Variants in ESR1 observed in about 807,000 individuals in gnomAD.
The protein encoded by ESR1 is estrogen receptor 1.
ESR1 carries 12 observed loss-of-function variants against 52.7 expected under a neutral mutation model. The ratio of observed to expected loss-of-function variants is 0.23; its 90% CI spans 0.15 to 0.37. ESR1 has a LOEUF of 0.37. Among genes scored for constraint, ESR1 ranks in the 10% least tolerant of loss-of-function variants. The pLI, the probability that ESR1 is intolerant of heterozygous loss-of-function variation, is 1.00. For synonymous variants in ESR1, 305 were observed against 316.8 expected, an observed-to-expected ratio of 0.96 and a Z score of 0.39; for missense variants, 584 against 779.7, an observed-to-expected ratio of 0.75 and a Z score of 2.99.
At chr6:151,657,532 A>G (rs1214353616) in intron 1 of ESR1, among the ~76,000 whole-genome samples, 1 of 152,196 alleles carries the variant, frequency 6.6e-6, no homozygotes, top group African/African-American at 2.4e-5. Flanking sequence ...GGTTTACTGA[A>G]GTGGATCTAC....
chr6:151,909,470 C>T (rs1404862015), intron 3 of ESR1, among the ~76,000 whole-genome samples: 2 of 152,188 alleles, frequency 1.3e-5, no homozygotes, highest in African/African-American at 4.8e-5. Flanking sequence ...GTCCAAGGCA[C>T]TGTATTCAAT....
At chr6:151,850,106 ATACAAAAT>A in intron 2 of ESR1, among the ~76,000 whole-genome samples, 1 of 89,470 alleles carries the variant, frequency 1.1e-5, no homozygotes, top group Non-Finnish European at 2.0e-5. Context: ...TTATATATAT[ATACAAAAT>A]TATATATATA....
intron 2 of ESR1, among the ~76,000 whole-genome samples, chr6:151,719,468 AGCCAGTGTTAC>A (rs1185827367): frequency 6.6e-6 from 1 of 152,134 alleles, no homozygotes. Context: ...CAGAAGAAAG[AGCCAGTGTTAC>A]GCCTTAAGGT....
At chr6:151,985,501 C>A in intron 4 of ESR1, among the ~76,000 whole-genome samples, 3 of 84,662 alleles carry the variant, frequency 3.5e-5, no homozygotes, top group Non-Finnish European at 6.6e-5. Flanking sequence ...GAGTGAGACT[C>A]TGTCTCAAAA....
At chr6:151,703,257 C>T (rs1169939663) in intron 2 of ESR1, among the ~76,000 whole-genome samples, 1 of 152,078 alleles carries the variant, frequency 6.6e-6, no homozygotes, top group African/African-American at 2.4e-5. Flanking sequence ...AGTGACTAAC[C>T]AAAAATGGTA....
intron 5 of ESR1, among the ~76,000 whole-genome samples, chr6:152,046,626 T>C (rs542922564): frequency 6.6e-6 from 1 of 152,220 alleles, no homozygotes; most frequent in East Asian, 1.9e-4. Flanking sequence ...GAAGACAAAA[T>C]AAGAATGAAA....
chr6:151,960,204 G>A (rs932451687), intron 4 of ESR1, among the ~76,000 whole-genome samples: 1 of 152,210 alleles, frequency 6.6e-6, no homozygotes, highest in Non-Finnish European at 1.5e-5. Context: ...CACTGGACAT[G>A]CTATGAGCCC....
intron 4 of ESR1, among the ~76,000 whole-genome samples, chr6:151,968,824 C>T (rs936871933): frequency 1.3e-5 from 2 of 152,158 alleles, no homozygotes; most frequent in Admixed American, 1.3e-4. Context: ...GGGCCATGGA[C>T]TGGAACCATG....
intron 2 of ESR1, among the ~76,000 whole-genome samples, chr6:151,774,771 C>T (rs1785812828): frequency 6.6e-6 from 1 of 152,126 alleles, no homozygotes; most frequent in Non-Finnish European, 1.5e-5. Flanking sequence ...ACAGAATTAG[C>T]TGATTAGGTA....
chr6:151,966,696 T>G (rs2038307081), intron 4 of ESR1, among the ~76,000 whole-genome samples: 1 of 152,230 alleles, frequency 6.6e-6, no homozygotes, highest in Admixed American at 6.5e-5. Flanking sequence ...ATTTTTAATT[T>G]CTAAGAATCT....
At chr6:152,045,396 T>A (rs1438497365) in intron 5 of ESR1, among the ~76,000 whole-genome samples, 1 of 152,192 alleles carries the variant, frequency 6.6e-6, no homozygotes, top group Non-Finnish European at 1.5e-5. Context: ...GGCATGGTAC[T>A]CCACACTGTG....
In ESR1 at chr6:151,892,368, G is replaced by T. The variant is rs186027545; in HGVS notation, c.760+11597G>T. 3.4e-4 allele frequency among the ~76,000 whole-genome samples: 52 copies of T among 152,218 alleles called. No homozygotes were observed. In the East Asian group the frequency reaches 7.5e-3, roughly 22 times the overall value. ...TTCAAGCTCAATTTAGAACAACTGC[G>T]GGCAACTGTAAAAACCGGTAGGAAT... is the stretch of plus-strand genomic sequence containing the variant. On this transcript the variant is annotated intron_variant, in intron 3 of 7. Coordinates refer to ENST00000206249, the MANE Select transcript of ESR1 (RefSeq NM_000125.4).
intron 2 of ESR1, among the ~76,000 whole-genome samples, chr6:151,722,539 C>T (rs985637062): frequency 6.6e-6 from 1 of 152,194 alleles, no homozygotes; most frequent in Non-Finnish European, 1.5e-5. Flanking sequence ...GAAGCAAGAA[C>T]ATGTGCACTG....
intron 1 of ESR1, among the ~76,000 whole-genome samples, chr6:151,837,862 A>G (rs1783623884): frequency 6.6e-6 from 1 of 152,212 alleles, no homozygotes. Context: ...CTAAAGAAGT[A>G]GGTAAACCTT....
exon 7 of ESR1, chr6:152,129,299 T>A (rs1027247104): frequency 2.0e-5 from 3 of 152,230 alleles, no homozygotes; most frequent in Non-Finnish European, 4.4e-5. Flanking sequence ...CTCGTCACTA[T>A]CATTTGTATC....
intron 2 of ESR1, among the ~76,000 whole-genome samples, chr6:151,768,320 A>G (rs1398130900): frequency 6.6e-6 from 1 of 152,138 alleles, no homozygotes; most frequent in East Asian, 1.9e-4. Flanking sequence ...AAAATCCATA[A>G]CCTGAAAGAA....
intron 3 of ESR1, among the ~76,000 whole-genome samples, chr6:151,934,410 T>G (rs978105011): frequency 5.9e-5 from 9 of 152,360 alleles, no homozygotes; most frequent in African/African-American, 1.9e-4. Context: ...GAGCAGTGCC[T>G]GACTCTCAAT....
At chr6:152,119,417 C>A (rs1270560182) in intron 6 of ESR1, among the ~76,000 whole-genome samples, 4 of 152,156 alleles carry the variant, frequency 2.6e-5, no homozygotes, top group Non-Finnish European at 5.9e-5. Context: ...CCCGGGATTT[C>A]TTATTAAGTT....
intron 6 of ESR1, among the ~76,000 whole-genome samples, chr6:152,116,529 G>A (rs772705865): frequency 7.9e-5 from 12 of 152,174 alleles, no homozygotes; most frequent in Non-Finnish European, 1.5e-4. Context: ...GGGAGATGAT[G>A]TAGAGAGAGT....
Sources: gnomAD v4.1 joint callset for allele counts (sites outside exome capture counted in the v4.1 genomes callset) on GRCh38, gnomAD v4.1.1 for gene constraint, MANE v1.5 for transcripts, NCBI Gene and HGNC (gene_info 2026-07-23, HGNC 2026-07-21) for gene names.